The following MICU3 variants were observed in gnomAD, a reference collection of about 807,000 sequenced individuals.
The protein encoded by MICU3 is mitochondrial calcium uptake 3.
MICU3 carries 62 observed loss-of-function variants against 66.5 expected under a neutral mutation model. That is an observed-to-expected ratio of 0.93 (90% confidence interval 0.76 to 1.15). The LOEUF is 1.15. Among genes scored for constraint, MICU3 ranks in the 50% most tolerant of loss-of-function variants. The pLI is 0.00. For missense variants in MICU3, 779 were observed against 664.4 expected, an observed-to-expected ratio of 1.17 and a Z score of -1.90; for synonymous variants, 308 against 240.7, an observed-to-expected ratio of 1.28 and a Z score of -2.59.
At chr8:17,049,172 C>A (rs1815630473) in intron 1 of MICU3, among the ~76,000 whole-genome samples, 1 of 152,102 alleles carries the variant, frequency 6.6e-6, no homozygotes, top group African/African-American at 2.4e-5. Flanking sequence ...AAAATTTTAA[C>A]CCATTTATGC....
Position 17,116,469 on chromosome 8 carries a change from G to T in MICU3, c.1393G>T (p.Ala465Ser). The T allele has an allele frequency of 6.6e-7, 1 of 1,523,518 alleles. No homozygotes were observed. Among genetic ancestry groups the T allele is most frequent in the South Asian group, 1.3e-5 (1 of 74,262 alleles). 94.4% of individuals were successfully genotyped at this position (1,523,518 alleles called of 1,614,324 possible). ...QDEFKRAVYV[A>S]TGLKFSPHLV... ...TGAATTTAAACGTGCCGTCTATGTA[G>T]CTACTGGACTCAAATTTTCACCACA... is the stretch of plus-strand genomic sequence containing the variant. Residue 465 changes from alanine to serine, a missense_variant, in exon 13 of 15, where the codon GCT becomes TCT. By Grantham distance (99) the Ala-to-Ser change is moderately conservative (BLOSUM62 1). Transcript: ENST00000318063.
the MICU3 span, among the ~76,000 whole-genome samples, chr8:17,134,537 C>T: frequency 1.3e-5 from 2 of 152,162 alleles, no homozygotes; most frequent in Non-Finnish European, 2.9e-5. Context: ...CTCCACCTCC[C>T]AGGTTCATAC....
At position 17,029,115 on chromosome 8, in the gene MICU3, G is replaced by A. The variant is rs114450862; in HGVS notation, c.381+1455G>A. On this transcript the variant is annotated intron_variant, in intron 1 of 14. Coordinates refer to ENST00000318063, the MANE Select transcript of MICU3 (RefSeq NM_181723.3). ...AATGAGGCTAATAGTCTCCTGGGGT[G>A]TTATGAGAGTTAAATGAGTTAACAC... Among the ~76,000 whole-genome samples the A allele has an allele frequency of 2.9e-3, 436 of 152,306 alleles. 1 individual carries two copies. Among genetic ancestry groups the A allele is most frequent in the African/African-American group, 0.01 (419 of 41,570 alleles).
chr8:17,044,921 T>C (rs1814803250), intron 1 of MICU3, among the ~76,000 whole-genome samples: 2 of 152,120 alleles, frequency 1.3e-5, no homozygotes, highest in African/African-American at 4.8e-5. Flanking sequence ...TTCCAGAAAT[T>C]CTCAAAAAAC....
intron 9 of MICU3, chr8:17,102,421 T>C (rs1272261523): frequency 1.3e-5 from 2 of 152,010 alleles, no homozygotes; most frequent in Admixed American, 6.6e-5. Flanking sequence ...TGACTACTAA[T>C]AAGAACATTT....
chr8:17,096,955 TTGTGTGTGTG>T (rs3988378), intron 8 of MICU3, among the ~76,000 whole-genome samples: 9,593 of 141,578 alleles, frequency 0.068, 384 homozygotes, highest in East Asian at 0.2. Flanking sequence ...CTAAATATAT[TTGTGTGTGTG>T]TGTGTGTGTG....
chr8:17,034,489 G>A (rs987268340), intron 1 of MICU3, among the ~76,000 whole-genome samples: 1 of 152,214 alleles, frequency 6.6e-6, no homozygotes, highest in East Asian at 1.9e-4. Flanking sequence ...TGATTCCTCT[G>A]ATGGATCTGG....
At chr8:17,029,144 A>G (rs971975172) in intron 1 of MICU3, among the ~76,000 whole-genome samples, 1 of 152,226 alleles carries the variant, frequency 6.6e-6, no homozygotes, top group Non-Finnish European at 1.5e-5. Flanking sequence ...TTAACACAGT[A>G]TATTTAAAAC....
the MICU3 span, chr8:17,132,160 T>C: frequency 6.6e-6 from 1 of 152,188 alleles, no homozygotes; most frequent in Non-Finnish European, 1.5e-5. Flanking sequence ...TCTAGCAACT[T>C]GCATATAAAA....
intron 1 of MICU3, among the ~76,000 whole-genome samples, chr8:17,034,564 G>T (rs1487315954): frequency 6.6e-6 from 1 of 152,240 alleles, no homozygotes; most frequent in East Asian, 1.9e-4. Context: ...GAATATCTGT[G>T]ATTCACTGGT....
chr8:17,083,510 G>C lies in MICU3; in HGVS notation c.695-1726G>C, dbSNP rs369929645. On this transcript the variant is annotated intron_variant, in intron 5 of 14. Coordinates refer to ENST00000318063, the MANE Select transcript of MICU3 (RefSeq NM_181723.3). ...ATAAACTAAGTTCCTCCCAAAGTTAGTTTGGCCTAACTAAACAAGAAGCAA... is the reference window on the plus strand; with the variant it reads ...ATAAACTAAGTTCCTCCCAAAGTTACTTTGGCCTAACTAAACAAGAAGCAA... Among the ~76,000 whole-genome samples the C allele has an allele frequency of 2.0e-4, 30 of 152,208 alleles. No homozygotes were observed. In the East Asian group the frequency reaches 2.5e-3, roughly 13 times the overall value.
chr8:17,041,576 T>C (rs1478626628), intron 1 of MICU3, among the ~76,000 whole-genome samples: 1 of 151,558 alleles, frequency 6.6e-6, no homozygotes, highest in Non-Finnish European at 1.5e-5. Flanking sequence ...GATAGTAGCC[T>C]GAGGGACATG....
At chr8:17,065,066 G>A (rs1818471195) in intron 2 of MICU3, among the ~76,000 whole-genome samples, 2 of 151,984 alleles carry the variant, frequency 1.3e-5, no homozygotes, top group South Asian at 4.1e-4. Context: ...GAGATACCTT[G>A]GATATATAAA....
At chr8:17,088,132 A>G (rs1799664566) in intron 7 of MICU3, among the ~76,000 whole-genome samples, 1 of 152,010 alleles carries the variant, frequency 6.6e-6, no homozygotes, top group Non-Finnish European at 1.5e-5. Context: ...GAATGAAAGC[A>G]GATTATCAGG....
intron 3 of MICU3, among the ~76,000 whole-genome samples, chr8:17,073,229 A>G (rs1416642937): frequency 6.6e-6 from 1 of 152,176 alleles, no homozygotes; most frequent in African/African-American, 2.4e-5. Context: ...GAAATCCTAT[A>G]TATCAGATCG....
rs188767430 is a variant in MICU3, at chr8:17,032,343, G to A, written c.381+4683G>A. ...TAGCCTTAAAGCACTATTTTTATTA[G>A]TGGGAAAAAATTTTGTTCTAGAACT... On this transcript the variant is annotated intron_variant, in intron 1 of 14. Transcript: ENST00000318063. Among the ~76,000 whole-genome samples, 392 of 151,978 alleles carry A rather than the reference G, an allele frequency of 2.6e-3. 3 individuals are homozygous for A. Among genetic ancestry groups the A allele is most frequent in the African/African-American group, 9.0e-3 (373 of 41,474 alleles).
chr8:17,052,332 C>T (rs986524861), intron 1 of MICU3, among the ~76,000 whole-genome samples: 1 of 152,048 alleles, frequency 6.6e-6, no homozygotes, highest in African/African-American at 2.4e-5. Context: ...TCCCCTTGAA[C>T]ATTTATCATT....
rs771542307 is a variant in MICU3, at chr8:17,114,187, G to A, written c.1352G>A (p.Arg451His). The A allele has an allele frequency of 2.5e-5, 40 of 1,598,274 alleles. No homozygotes were observed. Among genetic ancestry groups the A allele is most frequent in the Middle Eastern group, 1.7e-4 (1 of 5,958 alleles). ...IALNMYNFASRSIGQDEFKRA... is the reference protein window; with the variant it reads ...IALNMYNFASHSIGQDEFKRA... ...CTGAATATGTATAACTTTGCAAGTC[G>A]TTCTATAGGGCAAGGTAAGTAATCA... Residue 451 changes from arginine (R) to histidine (H), a missense_variant, in exon 12 of 15, where the codon CGT becomes CAT. By Grantham distance (29) the Arg-to-His change is conservative. Coordinates refer to ENST00000318063, the MANE Select transcript of MICU3 (RefSeq NM_181723.3).
At chr8:17,044,611 G>A (rs1198903388) in intron 1 of MICU3, among the ~76,000 whole-genome samples, 1 of 152,188 alleles carries the variant, frequency 6.6e-6, no homozygotes, top group Non-Finnish European at 1.5e-5. Flanking sequence ...AAGCAATGTG[G>A]ATCTTCATGT....
Sources: gnomAD v4.1 joint callset for allele counts (sites outside exome capture counted in the v4.1 genomes callset) on GRCh38, gnomAD v4.1.1 for gene constraint, MANE v1.5 for transcripts, NCBI Gene and HGNC (gene_info 2026-07-23, HGNC 2026-07-21) for gene names.